Variants in TINAG observed in about 807,000 individuals in gnomAD.
TINAG encodes tubulointerstitial nephritis antigen.
Under a neutral mutation model 72.7 loss-of-function variants are expected in TINAG, and 83 were observed. The ratio of observed to expected loss-of-function variants is 1.14; its 90% CI spans 0.96 to 1.37. The LOEUF (loss-of-function observed/expected upper bound fraction) is 1.37. TINAG is among the 40% of genes most tolerant of loss of function. The pLI, the probability that TINAG is intolerant of heterozygous loss-of-function variation, is 0.00. For synonymous variants in TINAG, 234 were observed against 189.9 expected, an observed-to-expected ratio of 1.23 and a Z score of -1.91; for missense variants, 685 against 576.6, an observed-to-expected ratio of 1.19 and a Z score of -1.93.
intron 1 of TINAG, 34 bp downstream of exon 1, chr6:54,308,939 C>T (rs1233300023): frequency 4.7e-6 from 7 of 1,498,614 alleles, no homozygotes; most frequent in East Asian, 2.3e-5. Context: ...ACATCATCCT[C>T]GTTCATAACA....
intron 7 of TINAG, 28 bp from the exon 8 acceptor site, chr6:54,351,324 T>C (rs758342543): frequency 5.7e-6 from 9 of 1,588,618 alleles, no homozygotes; most frequent in Non-Finnish European, 7.8e-6. Context: ...ATAACAATGA[T>C]ATTGCTTATT....
chr6:54,338,962 T>C (rs1458457219), intron 4 of TINAG, among the ~76,000 whole-genome samples: 1 of 152,124 alleles, frequency 6.6e-6, no homozygotes, highest in Non-Finnish European at 1.5e-5. Flanking sequence ...CCTCCTTTTG[T>C]AATTACCTAT....
chr6:54,335,417 T>G (rs9464055), intron 4 of TINAG, among the ~76,000 whole-genome samples: 1 of 152,062 alleles, frequency 6.6e-6, no homozygotes, highest in Admixed American at 6.6e-5. Flanking sequence ...AGGAAAGCAA[T>G]AAGAAAAATT....
At chr6:54,319,953 A>T (rs922224319) in intron 1 of TINAG, among the ~76,000 whole-genome samples, 1 of 152,148 alleles carries the variant, frequency 6.6e-6, no homozygotes, top group African/African-American at 2.4e-5. Context: ...TTCACCATCC[A>T]TCTCTTTTGA....
intron 9 of TINAG, among the ~76,000 whole-genome samples, chr6:54,372,148 T>C (rs1465124191): frequency 1.3e-5 from 2 of 151,806 alleles, no homozygotes; most frequent in Non-Finnish European, 2.9e-5. Flanking sequence ...CCTGCCACCA[T>C]GTCTGGCTAA....
intron 9 of TINAG, among the ~76,000 whole-genome samples, chr6:54,365,724 T>A (rs12210322): frequency 0.16 from 23,973 of 151,582 alleles, 2,034 homozygotes; most frequent in Non-Finnish European, 0.18. Context: ...ATTCCAAATT[T>A]GCATAAATTT....
chr6:54,368,750 A>G (rs1423724162), intron 9 of TINAG, among the ~76,000 whole-genome samples: 2 of 151,716 alleles, frequency 1.3e-5, no homozygotes, highest in Non-Finnish European at 3.0e-5. Context: ...AAAAAACAAA[A>G]CAAAAACCTC....
At chr6:54,364,223 T>C (rs1412443077) in intron 9 of TINAG, among the ~76,000 whole-genome samples, 2 of 151,550 alleles carry the variant, frequency 1.3e-5, no homozygotes, top group Admixed American at 6.6e-5. Flanking sequence ...TTGTGTGTGC[T>C]TTCTGCAGTT....
intron 10 of TINAG, among the ~76,000 whole-genome samples, chr6:54,387,270 A>G (rs1764124802): frequency 6.6e-6 from 1 of 152,178 alleles, no homozygotes; most frequent in Non-Finnish European, 1.5e-5. Context: ...AGCATAGATG[A>G]GGATTTGGAG....
At chr6:54,313,894 A>G (rs796103202) in intron 1 of TINAG, among the ~76,000 whole-genome samples, 4 of 152,278 alleles carry the variant, frequency 2.6e-5, no homozygotes, top group African/African-American at 9.6e-5. Flanking sequence ...ATTATTTTGG[A>G]TGTTGGAATA....
In TINAG at chr6:54,320,635, A is replaced by C. The variant is rs773597964; in HGVS notation, c.412A>C (p.Asn138His). 43 of 1,607,890 alleles carry C rather than the reference A, an allele frequency of 2.7e-5. No individual in the cohort carries two copies. The highest frequency in any genetic ancestry group is 3.5e-5 in the Non-Finnish European group (41 of 1,176,886). The change falls in exon 2 of 11, where the codon AAC (asparagine) becomes CAC (histidine). Residue 138 changes from asparagine (N) to histidine (H), a missense_variant. Transcript: ENST00000259782. ...EEGSVIKENC[N>H]SCTCSGQQWK... ...GGGATCAGTAATTAAAGAAAACTGC[A>C]ACTCCTGGTAATAAATTTAAGTGGC...
At chr6:54,358,801 A>G (rs685700) in intron 9 of TINAG, among the ~76,000 whole-genome samples, 4,460 of 151,864 alleles carry the variant, frequency 0.029, 222 homozygotes, top group African/African-American at 0.098. Context: ...GACTTTGGCA[A>G]CCCAATTGAC....
intron 3 of TINAG, among the ~76,000 whole-genome samples, chr6:54,322,289 C>T (rs889874272): frequency 2.0e-5 from 3 of 151,526 alleles, no homozygotes; most frequent in Admixed American, 6.6e-5. Flanking sequence ...GCATGGGAAT[C>T]GGGGGGTGAA....
intron 4 of TINAG, among the ~76,000 whole-genome samples, chr6:54,337,069 A>T (rs923490192): frequency 2.6e-4 from 40 of 151,864 alleles, no homozygotes; most frequent in Non-Finnish European, 4.0e-4. Flanking sequence ...GAAATGGAAA[A>T]TTTTTTTAAT....
In TINAG at chr6:54,324,470, T is replaced by G. The variant is rs1323150932; in HGVS notation, c.510-2332T>G. Among the ~76,000 whole-genome samples the G allele has an allele frequency of 3.3e-5, 5 of 152,194 alleles. No homozygotes were observed. The East Asian group carries it at 9.6e-4, about 29-fold the overall frequency. The stretch of plus-strand genomic sequence containing the variant: ...GCTTATGCTTGAAAGTTTCATGATA[T>G]CAATTCTACCACTTTCTATTGGGTA... On this transcript the variant is annotated intron_variant, in intron 3 of 10. Transcript: ENST00000259782.
chr6:54,344,614 A>C (rs1236710675), intron 5 of TINAG, among the ~76,000 whole-genome samples: 1 of 152,310 alleles, frequency 6.6e-6, no homozygotes, highest in East Asian at 1.9e-4. Context: ...ATATTATGCC[A>C]GTATTTCTGA....
chr6:54,388,425 T>C (rs1764160051), intron 10 of TINAG, among the ~76,000 whole-genome samples: 1 of 152,174 alleles, frequency 6.6e-6, no homozygotes, highest in African/African-American at 2.4e-5. Context: ...GAAATGCTGA[T>C]AAAAATTGGC....
intron 4 of TINAG, among the ~76,000 whole-genome samples, chr6:54,333,047 G>C (rs1233566341): frequency 6.6e-6 from 1 of 152,122 alleles, no homozygotes; most frequent in African/African-American, 2.4e-5. Context: ...AACCATTGTG[G>C]GAGGCAGTGG....
At chr6:54,382,300 G>A (rs1763976159) in intron 10 of TINAG, among the ~76,000 whole-genome samples, 1 of 152,126 alleles carries the variant, frequency 6.6e-6, no homozygotes, top group East Asian at 1.9e-4. Context: ...CTACTGAACT[G>A]TGTTCTCCTC....
Sources: gnomAD v4.1 joint callset for allele counts (sites outside exome capture counted in the v4.1 genomes callset) on GRCh38, gnomAD v4.1.1 for gene constraint, MANE v1.5 for transcripts, NCBI Gene and HGNC (gene_info 2026-07-23, HGNC 2026-07-21) for gene names.